Variants in NR3C2 observed in about 807,000 individuals in gnomAD.
The protein encoded by NR3C2 is nuclear receptor subfamily 3 group C member 2.
A neutral mutation model predicts 86.4 loss-of-function variants in NR3C2; 15 were observed. That is an observed-to-expected ratio of 0.17 (90% CI 0.12 to 0.27). The LOEUF (loss-of-function observed/expected upper bound fraction) is 0.27. Ranked by LOEUF, NR3C2 falls within the 10% of genes least tolerant of loss-of-function variation. The probability of loss-of-function intolerance (pLI) is 1.00; values close to 1 mark genes in which losing one functional copy is unlikely to be tolerated. For missense variants in NR3C2, 960 were observed against 1,195.6 expected (o/e 0.80, Z 2.91); for synonymous variants, 458 against 450.5 (o/e 1.02, Z -0.21).
intron 2 of NR3C2, among the ~76,000 whole-genome samples, chr4:148,287,172 AT>A (rs1017361137): frequency 4.6e-5 from 7 of 152,044 alleles, no homozygotes; most frequent in Non-Finnish European, 8.8e-5. Context: ...ACTGTTAACT[AT>A]TTTTTTCTCT....
chr4:148,091,293 G>A (rs373179775), intron 8 of NR3C2, among the ~76,000 whole-genome samples: 1 of 152,248 alleles, frequency 6.6e-6, no homozygotes. Context: ...CCTGGGCTCC[G>A]TGTGCTCACT....
At chr4:148,205,640 C>T (rs1736966057) in intron 3 of NR3C2, among the ~76,000 whole-genome samples, 1 of 152,180 alleles carries the variant, frequency 6.6e-6, no homozygotes, top group Non-Finnish European at 1.5e-5. Context: ...AATAAGAGAT[C>T]CCTGTCCTTT....
chr4:148,384,852 G>A (rs1747183182), intron 2 of NR3C2, among the ~76,000 whole-genome samples: 1 of 152,166 alleles, frequency 6.6e-6, no homozygotes, highest in South Asian at 2.1e-4. Flanking sequence ...TCCAGGTCCT[G>A]TAGTAGCTGC....
chr4:148,304,328 CTTTTTTTTTT>C (rs35633620), intron 2 of NR3C2, among the ~76,000 whole-genome samples: 1 of 83,882 alleles, frequency 1.2e-5, no homozygotes, highest in Non-Finnish European at 2.3e-5. Flanking sequence ...GTTGTTGTTG[CTTTTTTTTTT>C]TTTTTTTTTT....
intron 2 of NR3C2, among the ~76,000 whole-genome samples, chr4:148,320,882 T>C (rs1344473038): frequency 1.3e-5 from 2 of 149,930 alleles, no homozygotes; most frequent in East Asian, 2.0e-4. Context: ...TTTCCTTCAG[T>C]TCTGCTCTGA....
chr4:148,302,248 T>C (rs1300191691), intron 2 of NR3C2, among the ~76,000 whole-genome samples: 4 of 152,186 alleles, frequency 2.6e-5, no homozygotes, highest in Admixed American at 6.5e-5. Context: ...TGTTCATGAA[T>C]ATCAAGCAAA....
At chr4:148,339,640 T>TA (rs1298275359) in intron 2 of NR3C2, among the ~76,000 whole-genome samples, 2 of 152,116 alleles carry the variant, frequency 1.3e-5, no homozygotes, top group Non-Finnish European at 2.9e-5. Context: ...ATACAACGTC[T>TA]ATAAAAGCTT....
chr4:148,184,550 A>G (rs903826006), intron 4 of NR3C2, among the ~76,000 whole-genome samples: 3 of 152,130 alleles, frequency 2.0e-5, no homozygotes, highest in African/African-American at 7.2e-5. Context: ...TATACATTTC[A>G]TATACATATT....
chr4:148,249,181 G>A (rs1245732996), intron 3 of NR3C2, among the ~76,000 whole-genome samples: 2 of 152,050 alleles, frequency 1.3e-5, no homozygotes, highest in Non-Finnish European at 2.9e-5. Flanking sequence ...TGGTCAGTAC[G>A]GCTTCTAAGA....
intron 8 of NR3C2, among the ~76,000 whole-genome samples, chr4:148,111,342 T>C (rs999035609): frequency 3.3e-5 from 5 of 152,154 alleles, no homozygotes; most frequent in Non-Finnish European, 7.4e-5. Context: ...TTGGCAAGGG[T>C]ATGGAGCAAT....
intron 4 of NR3C2, among the ~76,000 whole-genome samples, chr4:148,169,739 T>C (rs1735039446): frequency 6.6e-6 from 1 of 152,224 alleles, no homozygotes; most frequent in Non-Finnish European, 1.5e-5. Context: ...TCATATTTCT[T>C]CTCAAACTCT....
chr4:148,343,758 C>G (rs956111311), intron 2 of NR3C2, among the ~76,000 whole-genome samples: 2 of 152,046 alleles, frequency 1.3e-5, no homozygotes, highest in Non-Finnish European at 2.9e-5. Context: ...CAAACTCACA[C>G]GCACAAACAC....
intron 2 of NR3C2, among the ~76,000 whole-genome samples, chr4:148,428,649 T>C (rs1749661137): frequency 6.6e-6 from 1 of 152,180 alleles, no homozygotes; most frequent in African/African-American, 2.4e-5. Flanking sequence ...TTGTGATTAT[T>C]TCAAAATCAA....
At chr4:148,093,265 A>G (rs61763146) in intron 8 of NR3C2, among the ~76,000 whole-genome samples, 35 of 152,284 alleles carry the variant, frequency 2.3e-4, no homozygotes, top group Non-Finnish European at 4.7e-4. Context: ...CTCACAAGTC[A>G]TTGCTGGGGC....
intron 3 of NR3C2, among the ~76,000 whole-genome samples, chr4:148,226,969 T>C (rs1295562625): frequency 6.6e-6 from 1 of 152,188 alleles, no homozygotes; most frequent in Non-Finnish European, 1.5e-5. Flanking sequence ...TTAAGAAAAG[T>C]ACATAAAGTT....
chr4:148,129,343 C>T lies in NR3C2; in HGVS notation c.2511-9055G>A, dbSNP rs577576945. On this transcript the variant is annotated intron_variant, in intron 6 of 8. Transcript: ENST00000358102. ...ACACTCATAGAAACAGTAAGTAAAA[C>T]GGTGGTTACCAGGGGCTGGGGGTAG... Among the ~76,000 whole-genome samples the T allele has an allele frequency of 4.7e-4, 72 of 152,174 alleles. No homozygotes were observed. The South Asian group carries it at 0.011, about 24-fold the overall frequency.
chr4:148,298,976 G>A (rs1742196199), intron 2 of NR3C2, among the ~76,000 whole-genome samples: 2 of 152,208 alleles, frequency 1.3e-5, no homozygotes. Flanking sequence ...ATGGGGTGGA[G>A]CCACCAGGAA....
chr4:148,395,440 G>A (rs981695019), intron 2 of NR3C2, among the ~76,000 whole-genome samples: 4 of 152,120 alleles, frequency 2.6e-5, no homozygotes, highest in Non-Finnish European at 5.9e-5. Context: ...ACGGCAACAC[G>A]GAGTCATAGT....
At chr4:148,213,409 A>G (rs928861814) in intron 3 of NR3C2, among the ~76,000 whole-genome samples, 1 of 152,216 alleles carries the variant, frequency 6.6e-6, no homozygotes, top group Non-Finnish European at 1.5e-5. Flanking sequence ...AAAGGTGAGA[A>G]ACTGACCCCC....
Sources: gnomAD v4.1 joint callset for allele counts (sites outside exome capture counted in the v4.1 genomes callset) on GRCh38, gnomAD v4.1.1 for gene constraint, MANE v1.5 for transcripts, NCBI Gene and HGNC (gene_info 2026-07-23, HGNC 2026-07-21) for gene names.